The following MARK4 variants were observed in gnomAD, a reference collection of about 807,000 sequenced individuals.
The protein encoded by MARK4 is microtubule affinity regulating kinase 4.
MARK4 carries 19 observed loss-of-function variants against 81.5 expected under a neutral mutation model. The ratio of observed to expected loss-of-function variants is 0.23; its 90% CI spans 0.16 to 0.34. The LOEUF (loss-of-function observed/expected upper bound fraction) is 0.34, where lower values mean the gene tolerates loss of function less well. MARK4 is among the 10% of genes least tolerant of loss of function. The pLI, the probability that MARK4 is intolerant of heterozygous loss-of-function variation, is 1.00. For missense variants in MARK4, 772 were observed against 1,058.8 expected, an observed-to-expected ratio of 0.73 and a Z score of 3.76; for synonymous variants, 436 against 439.0, an observed-to-expected ratio of 0.99 and a Z score of 0.08.
In MARK4 at chr19:45,287,493, C is replaced by T. The variant is rs1347304155; in HGVS notation, c.1323C>T (p.Ser441=). 2.6e-6 allele frequency: 4 copies of T among 1,518,040 alleles called. No homozygotes were observed. Among genetic ancestry groups the T allele is most frequent in the Non-Finnish European group, 3.5e-6 (4 of 1,128,956 alleles). The allele number at this position is 1,518,040 out of a possible 1,614,324, so 94.0% of individuals were successfully genotyped here. A position where few individuals can be genotyped will look rare whatever the true frequency, so the allele number is the denominator to read the frequency against. Residue 441 remains serine, a synonymous_variant, in exon 13 of 17, where the codon AGC becomes AGT. Transcript: ENST00000262891. ...APLHPKRSPT[S]TGEAELKEER... ...TGCACCCCAAACGCAGCCCGACGAGCACGGGGGAGGCGGAGCTGAAGGAGG... is the reference window on the plus strand; with the variant it reads ...TGCACCCCAAACGCAGCCCGACGAGTACGGGGGAGGCGGAGCTGAAGGAGG...
intron 1 of MARK4, among the ~76,000 whole-genome samples, chr19:45,255,202 C>CAAA (rs764108800): frequency 7.8e-6 from 1 of 127,642 alleles, no homozygotes; most frequent in African/African-American, 2.9e-5. Flanking sequence ...GGCCCTGTCT[C>CAAA]AAAAAAAAAA....
At position 45,266,636 on chromosome 19, in the gene MARK4, G is replaced by A. The variant is rs1253800695; in HGVS notation, c.549+355G>A. ...AGCCTTTGGGACCTTGGCATTCTCC[G>A]ACCTTAGGACATTCAGGACTCCTTG... is the stretch of plus-strand genomic sequence containing the variant. On this transcript the variant is annotated intron_variant, in intron 7 of 16. Coordinates refer to ENST00000262891, the MANE Select transcript of MARK4 (RefSeq NM_001199867.2). Among the ~76,000 whole-genome samples, 5 of 151,924 alleles carry A rather than the reference G, an allele frequency of 3.3e-5. No individual in the cohort carries two copies. In the South Asian group the frequency reaches 1.0e-3, roughly 32 times the overall value.
chr19:45,268,479 G>A (rs553506477), intron 7 of MARK4, among the ~76,000 whole-genome samples: 3 of 151,708 alleles, frequency 2.0e-5, no homozygotes, highest in Non-Finnish European at 2.9e-5. Context: ...AGCTGCTTGA[G>A]AGGCTGAGAC....
chr19:45,294,530 T>G, intron 14 of MARK4, 78 bp downstream of exon 14: 12 of 1,261,938 alleles, frequency 9.5e-6, no homozygotes, highest in Non-Finnish European at 1.4e-5. Flanking sequence ...TCTGAGATGA[T>G]AGGCATTGGA....
intron 12 of MARK4, among the ~76,000 whole-genome samples, chr19:45,287,109 CAGG>C (rs1378462703): frequency 6.7e-6 from 1 of 149,210 alleles, no homozygotes; most frequent in Non-Finnish European, 1.5e-5. Flanking sequence ...GAGGCTGAGG[CAGG>C]AGAATTGCTT....
chr19:45,259,052 G>C lies in MARK4; in HGVS notation c.115G>C (p.Gly39Arg). 6.2e-7 allele frequency: 1 copy of C among 1,613,986 alleles called. No individual in the cohort carries two copies. The highest frequency in any genetic ancestry group is 8.5e-7 in the Non-Finnish European group (1 of 1,180,028). The change falls in exon 2 of 17, where the codon GGT becomes CGT. Residue 39 changes from glycine (G) to arginine (R), a missense_variant. Physicochemically the swap from Gly to Arg is moderately radical, Grantham distance 125. This residue lies in a region of MARK4 where 115 missense variants were observed against 139.8 expected (regional missense o/e 0.82). Coordinates refer to ENST00000262891, the MANE Select transcript of MARK4 (RefSeq NM_001199867.2). Reference sequence around the variant, plus strand: ...CCCGTCCTGGTCCAGCCGCTCACTGGGTGCCCGTTGCCGGAACTCCATCGC... The same window carrying C: ...CCCGTCCTGGTCCAGCCGCTCACTGCGTGCCCGTTGCCGGAACTCCATCGC... ...KGPSWSSRSLGARCRNSIASC... is the reference protein window; with the variant it reads ...KGPSWSSRSLRARCRNSIASC...
chr19:45,275,667 G>C (rs1970588944), intron 8 of MARK4, among the ~76,000 whole-genome samples: 1 of 152,144 alleles, frequency 6.6e-6, no homozygotes, highest in Non-Finnish European at 1.5e-5. Flanking sequence ...CACAGCACAG[G>C]CTCCAGAGCC....
At chr19:45,252,185 G>GC (rs1970252703) in intron 1 of MARK4, among the ~76,000 whole-genome samples, 1 of 151,872 alleles carries the variant, frequency 6.6e-6, no homozygotes. Flanking sequence ...CCTGTGGGCA[G>GC]CCCCTGGCAG....
intron 8 of MARK4, among the ~76,000 whole-genome samples, chr19:45,274,016 G>A (rs1011895210): frequency 5.3e-5 from 8 of 152,206 alleles, no homozygotes; most frequent in Non-Finnish European, 7.3e-5. Context: ...TTGGGAGGCC[G>A]AGGCGGGCGG....
intron 8 of MARK4, among the ~76,000 whole-genome samples, chr19:45,273,055 T>C (rs775943764): frequency 6.6e-6 from 1 of 151,766 alleles, no homozygotes; most frequent in East Asian, 1.9e-4. Context: ...AAACTAGATA[T>C]GATATCAGAT....
rs750452926 is a variant in MARK4, at chr19:45,302,412, G to C, written c.1961G>C (p.Arg654Pro). ...TGGGATCAAACGGAAACCGCCCCCC[G>C]GCTGCTCCGATTCCCCTGGAGTGTG... The part of the protein sequence containing the change: ...LPWDQTETAP[R>P]LLRFPWSVKL... The change falls in exon 17 of 17, where the codon CGG (arginine) becomes CCG (proline). Residue 654 changes from arginine to proline, a missense_variant. By Grantham distance (103) the Arg-to-Pro change is moderately radical. This residue lies in a region of MARK4 where 548 missense variants were observed against 624.3 expected (regional missense o/e 0.88). Transcript: ENST00000262891. This position sits in a 1 kb window ranked among gnomAD's most constrained non-coding sequence, Gnocchi z 4.9. The C allele has an allele frequency of 6.2e-7, 1 of 1,614,014 alleles. No individual in the cohort carries two copies. Among genetic ancestry groups the C allele is most frequent in the South Asian group, 1.1e-5 (1 of 91,080 alleles).
intron 5 of MARK4, 42 bp from the exon 6 acceptor site, chr19:45,264,798 C>A (rs764254824): frequency 1.2e-6 from 2 of 1,613,958 alleles, no homozygotes; most frequent in Admixed American, 3.3e-5. Context: ...CTCCCCCTGC[C>A]GCTGCACCTG....
intron 12 of MARK4, among the ~76,000 whole-genome samples, chr19:45,283,281 C>CTACT (rs1970699925): frequency 6.6e-6 from 1 of 151,474 alleles, no homozygotes; most frequent in African/African-American, 2.4e-5. Flanking sequence ...TAGTGGCAGG[C>CTACT]GTCTGTAATC....
intron 12 of MARK4, among the ~76,000 whole-genome samples, chr19:45,284,315 G>A (rs971546335): frequency 6.6e-6 from 1 of 150,378 alleles, no homozygotes; most frequent in African/African-American, 2.5e-5. Flanking sequence ...GCCACTCCTA[G>A]ATTTCTTTTC....
At chr19:45,285,670 C>A (rs1970733918) in intron 12 of MARK4, among the ~76,000 whole-genome samples, 1 of 148,508 alleles carries the variant, frequency 6.7e-6, no homozygotes, top group African/African-American at 2.6e-5. Context: ...TGGTAACCTT[C>A]AGAACTCCCC....
chr19:45,253,000 C>G (rs1008810499), intron 1 of MARK4, among the ~76,000 whole-genome samples: 1 of 151,612 alleles, frequency 6.6e-6, no homozygotes, highest in African/African-American at 2.4e-5. Context: ...GCGCCCCCTG[C>G]CCCTACACTG....
chr19:45,261,149 C>G (rs904681358), intron 2 of MARK4, among the ~76,000 whole-genome samples: 9 of 152,160 alleles, frequency 5.9e-5, no homozygotes, highest in African/African-American at 9.7e-5. Context: ...CAAATCCTAC[C>G]AGATGTTCAC....
chr19:45,304,415 C>T lies in MARK4; in HGVS notation c.*1705C>T, dbSNP rs970086986. 6.6e-6 allele frequency: 1 copy of T among 152,330 alleles called. No homozygotes were observed. The highest frequency in any genetic ancestry group is 1.5e-5 in the Non-Finnish European group (1 of 68,164). 9.4% of individuals were successfully genotyped at this position (152,330 alleles called of 1,614,324 possible). On this transcript the variant is annotated 3_prime_UTR_variant, in exon 17 of 17. Coordinates refer to ENST00000262891, the MANE Select transcript of MARK4 (RefSeq NM_001199867.2). Reference sequence around the variant, plus strand: ...TCAAAGGAAGGTCAAGTGTCATGAGCAGGAGAAAAGGCATGGGAGCTGGAC... The same window carrying T: ...TCAAAGGAAGGTCAAGTGTCATGAGTAGGAGAAAAGGCATGGGAGCTGGAC...
chr19:45,264,447 G>A (rs531586129), intron 4 of MARK4, among the ~76,000 whole-genome samples: 2 of 150,748 alleles, frequency 1.3e-5, no homozygotes, highest in Admixed American at 1.3e-4. Context: ...CAGAGATCGC[G>A]CCATTGCACT....
Sources: gnomAD v4.1 joint callset for allele counts (sites outside exome capture counted in the v4.1 genomes callset) on GRCh38, gnomAD v4.1.1 for gene constraint, gnomAD v4.1.1 regional missense constraint, Gnocchi (gnomAD v3.1) non-coding constraint, MANE v1.5 for transcripts, NCBI Gene and HGNC (gene_info 2026-07-23, HGNC 2026-07-21) for gene names.